ATXN10: variants seen among roughly 807,000 people sequenced by gnomAD.
The protein encoded by ATXN10 is ataxin 10, also known as ataxin-10.
In ATXN10, 28 loss-of-function variants were observed where a neutral mutation model predicts 52.9. That is an observed-to-expected ratio of 0.53 (90% CI 0.39 to 0.73). The LOEUF is 0.73. Among genes scored for constraint, ATXN10 ranks in the 30% least tolerant of loss-of-function variants. The pLI, the probability that ATXN10 is intolerant of heterozygous loss-of-function variation, is 0.00. For missense variants in ATXN10, 565 were observed against 577.0 expected (o/e 0.98, Z 0.21); for synonymous variants, 226 against 221.5 (o/e 1.02, Z -0.18).
At chr22:45,711,211 C>A in intron 5 of ATXN10, among the ~76,000 whole-genome samples, 1 of 151,822 alleles carries the variant, frequency 6.6e-6, no homozygotes. Flanking sequence ...TTGGTACAAG[C>A]CATAACTTGG....
In ATXN10 at chr22:45,770,626, C is replaced by A. The variant is rs117635879; in HGVS notation, c.1173+30088C>A. ...GACCTGAGGGCTTCACAGAGAGCCA[C>A]GTCCACATATGCGAGAGCCACTGAT... is the stretch of plus-strand genomic sequence containing the variant. On this transcript the variant is annotated intron_variant, in intron 9 of 11. Coordinates refer to ENST00000252934, the MANE Select transcript of ATXN10 (RefSeq NM_013236.4). This position sits in a 1 kb window ranked among gnomAD's most constrained non-coding sequence, Gnocchi z 4.5. Among the ~76,000 whole-genome samples the A allele has an allele frequency of 6.6e-6, 1 of 152,208 alleles. No individual in the cohort carries two copies. Among genetic ancestry groups the A allele is most frequent in the Non-Finnish European group, 1.5e-5 (1 of 68,036 alleles).
chr22:45,717,444 G>A (rs1924488831), intron 5 of ATXN10, among the ~76,000 whole-genome samples: 1 of 152,170 alleles, frequency 6.6e-6, no homozygotes, highest in African/African-American at 2.4e-5. Flanking sequence ...ATCTGGGATT[G>A]CATAGATTTC....
chr22:45,777,539 C>T (rs1927003084), intron 9 of ATXN10, among the ~76,000 whole-genome samples: 1 of 152,208 alleles, frequency 6.6e-6, no homozygotes, highest in African/African-American at 2.4e-5. Flanking sequence ...TATGTTCAGC[C>T]TCACGTTTAA....
Position 45,766,305 on chromosome 22 carries a change from G to A in ATXN10, c.1173+25767G>A, listed in dbSNP as rs1380897494. Among the ~76,000 whole-genome samples, 6 of 152,134 alleles carry A rather than the reference G, an allele frequency of 3.9e-5. No individual in the cohort carries two copies. The highest frequency in any genetic ancestry group is 1.2e-4 in the African/African-American group (5 of 41,424). On this transcript the variant is annotated intron_variant, in intron 9 of 11. Coordinates refer to ENST00000252934, the MANE Select transcript of ATXN10 (RefSeq NM_013236.4). This position sits in a 1 kb window ranked among gnomAD's most constrained non-coding sequence, Gnocchi z 4.6. ...GGTGGCATTAGAGTCTCACAGGAGC[G>A]TGAATACTGTTGTGAACTGTGCATG... is the stretch of plus-strand genomic sequence containing the variant.
rs997422137 is a variant in ATXN10 at position 45,783,519 on chromosome 22, T to G, written c.1174-23440T>G. Among the ~76,000 whole-genome samples the G allele has an allele frequency of 6.6e-6, 1 of 152,224 alleles. No homozygotes were observed. The highest frequency in any genetic ancestry group is 2.4e-5 in the African/African-American group (1 of 41,456). On this transcript the variant is annotated intron_variant, in intron 9 of 11. Coordinates refer to ENST00000252934, the MANE Select transcript of ATXN10 (RefSeq NM_013236.4). This position sits in a 1 kb window ranked among gnomAD's most constrained non-coding sequence, Gnocchi z 5.0. ...CTTGGCCTTCAGGGCTGCCCCTGAT[T>G]GGACCTGCCTGGCCGGCTCAGGTGT...
At chr22:45,687,532 G>A (rs977390439) in intron 1 of ATXN10, among the ~76,000 whole-genome samples, 2 of 152,188 alleles carry the variant, frequency 1.3e-5, no homozygotes, top group African/African-American at 2.4e-5. Flanking sequence ...AAAGAGAGGC[G>A]TTATTGAAGC....
chr22:45,787,330 C>CT lies in ATXN10; in HGVS notation c.1174-19628dup, dbSNP rs1391251005. Reference sequence around the variant, plus strand: ...GACGATCCTCTAGCTGAAATGGACTCTAATTCTCATTGACTCCAAAACTGG... The same window carrying CT: ...GACGATCCTCTAGCTGAAATGGACTCTTAATTCTCATTGACTCCAAAACTGG... On this transcript the variant is annotated intron_variant, in intron 9 of 11. Coordinates refer to ENST00000252934, the MANE Select transcript of ATXN10 (RefSeq NM_013236.4). This position sits in a 1 kb window ranked among gnomAD's most constrained non-coding sequence, Gnocchi z 4.2. 6.6e-6 allele frequency among the ~76,000 whole-genome samples: 1 copy of CT among 152,122 alleles called. No individual in the cohort carries two copies. The highest frequency in any genetic ancestry group is 1.5e-5 in the Non-Finnish European group (1 of 68,026).
At chr22:45,812,195 G>A (rs900201064) in intron 10 of ATXN10, among the ~76,000 whole-genome samples, 3 of 152,080 alleles carry the variant, frequency 2.0e-5, no homozygotes, top group African/African-American at 7.2e-5. Context: ...TCCGATCCCT[G>A]CCAAAACTTG....
At chr22:45,832,521 G>GT (rs932748814) in intron 10 of ATXN10, among the ~76,000 whole-genome samples, 3 of 152,184 alleles carry the variant, frequency 2.0e-5, no homozygotes, top group Admixed American at 2.0e-4. Context: ...TTCAGACTTT[G>GT]TTTTTTGGTT....
intron 10 of ATXN10, among the ~76,000 whole-genome samples, chr22:45,814,028 G>A (rs1331775311): frequency 6.6e-6 from 1 of 152,162 alleles, no homozygotes; most frequent in African/African-American, 2.4e-5. Flanking sequence ...CATGACCTGG[G>A]AATCCTAACT....
At chr22:45,700,501 G>C in intron 4 of ATXN10, 123 bp downstream of exon 4, 1 of 777,758 alleles carries the variant, frequency 1.3e-6, no homozygotes, top group South Asian at 1.5e-5. Context: ...GATAGTAGTT[G>C]TTCTTGGTGG....
rs1347407639 is a variant in ATXN10 at position 45,781,622 on chromosome 22, A to C, written c.1174-25337A>C. Among the ~76,000 whole-genome samples the C allele has an allele frequency of 3.3e-5, 5 of 152,252 alleles. No homozygotes were observed. The highest frequency in any genetic ancestry group is 1.3e-4 in the Admixed American group (2 of 15,288). On this transcript the variant is annotated intron_variant, in intron 9 of 11. Coordinates refer to ENST00000252934, the MANE Select transcript of ATXN10 (RefSeq NM_013236.4). The surrounding 1 kb of genome is among the most constrained non-coding windows in gnomAD (Gnocchi z 4.2). ...AATCTTAGCTTAAGTGAGCAAAGGC[A>C]GTCAACAGATGCCAATACCAAGATG...
At chr22:45,761,327 A>G (rs1310254754) in intron 9 of ATXN10, among the ~76,000 whole-genome samples, 1 of 152,184 alleles carries the variant, frequency 6.6e-6, no homozygotes, top group East Asian at 1.9e-4. Context: ...CAAGCCTAGC[A>G]TGTAAGCTCC....
At chr22:45,672,298 C>T (rs1304937180) in intron 1 of ATXN10, 119 bp downstream of exon 1, 17 of 1,101,000 alleles carry the variant, frequency 1.5e-5, no homozygotes, top group Non-Finnish European at 1.6e-5. Flanking sequence ...AGGGCGAGGC[C>T]TGCGCGGGCT....
intron 1 of ATXN10, among the ~76,000 whole-genome samples, chr22:45,686,241 CAG>C (rs1182242205): frequency 6.6e-6 from 1 of 152,140 alleles, no homozygotes. Context: ...GTGATGCAGT[CAG>C]GGGCCACTTT....
chr22:45,783,863 C>T lies in ATXN10; in HGVS notation c.1174-23096C>T, dbSNP rs1180674874. Among the ~76,000 whole-genome samples, 1 of 152,186 alleles carries T rather than the reference C, an allele frequency of 6.6e-6. No individual in the cohort carries two copies. Among genetic ancestry groups the T allele is most frequent in the Non-Finnish European group, 1.5e-5 (1 of 68,044 alleles). On this transcript the variant is annotated intron_variant, in intron 9 of 11. Transcript: ENST00000252934. The surrounding 1 kb of genome is among the most constrained non-coding windows in gnomAD (Gnocchi z 5.0). ...TTTGTGTCATGCTGATGGCACGATT[C>T]CCGAGGGCACCGAGGAAATGGTCAG...
chr22:45,785,147 C>A (rs1459855309), intron 9 of ATXN10, among the ~76,000 whole-genome samples: 1 of 152,224 alleles, frequency 6.6e-6, no homozygotes, highest in Non-Finnish European at 1.5e-5. Context: ...ATGGTTTACC[C>A]ATCCCTTTCT....
At chr22:45,699,536 G>A (rs367960589) in intron 3 of ATXN10, among the ~76,000 whole-genome samples, 11 of 128,794 alleles carry the variant, frequency 8.5e-5, no homozygotes, top group South Asian at 7.4e-4. Flanking sequence ...CTGTCTCCCC[G>A]GCTGGATGCA....
chr22:45,693,718 G>A (rs1923474367), intron 3 of ATXN10, among the ~76,000 whole-genome samples: 1 of 152,132 alleles, frequency 6.6e-6, no homozygotes, highest in Non-Finnish European at 1.5e-5. Flanking sequence ...CTTTAAAGAG[G>A]TAATTAAGGT....
Sources: allele counts gnomAD v4.1 joint callset (sites outside exome capture counted in the v4.1 genomes callset), GRCh38; gene constraint gnomAD v4.1.1; non-coding constraint Gnocchi (gnomAD v3.1); transcripts MANE v1.5; gene names NCBI Gene and HGNC (gene_info 2026-07-23, HGNC 2026-07-21).